The following USP13 variants were observed in gnomAD, a reference collection of about 807,000 sequenced individuals.
USP13 encodes the protein ubiquitin carboxyl-terminal hydrolase 13.
In USP13, 68 loss-of-function variants were observed where a neutral mutation model predicts 107.8. The ratio of observed to expected loss-of-function variants is 0.63; its 90% confidence interval spans 0.52 to 0.77. The LOEUF (loss-of-function observed/expected upper bound fraction) is 0.77, where lower values mean the gene tolerates loss of function less well. Ranked by LOEUF, USP13 falls within the 30% of genes least tolerant of loss-of-function variation. The pLI, the probability that USP13 is intolerant of heterozygous loss-of-function variation, is 0.00. For missense variants in USP13, 945 were observed against 1,093.3 expected, an observed-to-expected ratio of 0.86 and a Z score of 1.91; for synonymous variants, 377 against 389.5, an observed-to-expected ratio of 0.97 and a Z score of 0.38.
At chr3:179,733,499 T>A (rs1480368188) in intron 10 of USP13, among the ~76,000 whole-genome samples, 1 of 152,214 alleles carries the variant, frequency 6.6e-6, no homozygotes, top group Non-Finnish European at 1.5e-5. Flanking sequence ...CACTGGCAGT[T>A]GGTTTCAAAG....
intron 19 of USP13, among the ~76,000 whole-genome samples, chr3:179,770,518 T>G (rs1391120772): frequency 2.6e-5 from 4 of 152,200 alleles, no homozygotes; most frequent in Non-Finnish European, 2.9e-5. Flanking sequence ...TGGGAAGATG[T>G]GTGTTCTGTT....
At chr3:179,778,438 CTGA>C (rs1422940693) in intron 19 of USP13, among the ~76,000 whole-genome samples, 1 of 152,144 alleles carries the variant, frequency 6.6e-6, no homozygotes, top group African/African-American at 2.4e-5. Flanking sequence ...GGGGTAAAAG[CTGA>C]TAGACAATAA....
At position 179,721,633 on chromosome 3, in the gene USP13, C is replaced by G. The variant is rs760899929; in HGVS notation, c.1088+44C>G. On this transcript the variant is annotated intron_variant, in intron 8 of 20. Transcript: ENST00000263966. This position sits in a 1 kb window ranked among gnomAD's most constrained non-coding sequence, Gnocchi z 4.3. ...GACCAGGGCACGCGGCACCTCCCTG[C>G]CCCATCTAGGTCCAGTCCACTCAGT... The G allele has an allele frequency of 2.5e-5, 40 of 1,591,140 alleles. No homozygotes were observed. In the Middle Eastern group the frequency reaches 1.4e-3, roughly 54 times the overall value.
chr3:179,707,889 G>A (rs932413890), intron 5 of USP13, among the ~76,000 whole-genome samples: 1 of 152,150 alleles, frequency 6.6e-6, no homozygotes, highest in Non-Finnish European at 1.5e-5. Flanking sequence ...CCATTTCTCC[G>A]TTTGTAAAAA....
At chr3:179,726,256 CTGTCA>C (rs1479343575) in intron 8 of USP13, among the ~76,000 whole-genome samples, 1 of 152,134 alleles carries the variant, frequency 6.6e-6, no homozygotes, top group Non-Finnish European at 1.5e-5. Flanking sequence ...ATGAGCAAGT[CTGTCA>C]TGCCCTGGGG....
rs111785977 is a variant in USP13, at chr3:179,740,392, G to A, written c.1380+20G>A. 13 of 1,613,620 alleles carry A rather than the reference G, an allele frequency of 8.1e-6. No individual in the cohort carries two copies. Among genetic ancestry groups the A allele is most frequent in the East Asian group, 4.5e-5 (2 of 44,870 alleles). On this transcript the variant is annotated intron_variant, in intron 11 of 20. Transcript: ENST00000263966. ...GTAGAGGTGAGTAGTCAGTCTTCACGGATGCTCAGCGGGGTTGTAAGAGGG... is the reference window on the plus strand; with the variant it reads ...GTAGAGGTGAGTAGTCAGTCTTCACAGATGCTCAGCGGGGTTGTAAGAGGG...
Position 179,730,664 on chromosome 3 carries a change from G to C in USP13, c.1209G>C (p.Pro403=). 6.2e-7 allele frequency: 1 copy of C among 1,614,078 alleles called. No individual in the cohort carries two copies. Among genetic ancestry groups the C allele is most frequent in the South Asian group, 1.1e-5 (1 of 91,058 alleles). ...TCTCAGGCCAGTATTCAAAGCCTCC[G>C]GTGAAATCTGAACTCATTGAACAGG... ...GLLSGQYSKP[P]VKSELIEQVM... Residue 403 remains proline (P), a synonymous_variant, in exon 10 of 21, where the codon CCG becomes CCC. Coordinates refer to ENST00000263966, the MANE Select transcript of USP13 (RefSeq NM_003940.3).
Position 179,653,985 on chromosome 3 carries a change from G to T in USP13, c.168+592G>T, listed in dbSNP as rs1054455459. ...CACTTTTTAAGAGGCGGAGGCGGGC[G>T]GATCGTTTGAGGTCAGGAGTTCGAG... On this transcript the variant is annotated intron_variant, in intron 1 of 20. Coordinates refer to ENST00000263966, the MANE Select transcript of USP13 (RefSeq NM_003940.3). The surrounding 1 kb of genome is among the most constrained non-coding windows in gnomAD (Gnocchi z 4.0). Among the ~76,000 whole-genome samples, 1 of 151,924 alleles carries T rather than the reference G, an allele frequency of 6.6e-6. No individual in the cohort carries two copies. The highest frequency in any genetic ancestry group is 2.4e-5 in the African/African-American group (1 of 41,376).
At chr3:179,780,185 C>G (rs531291438) in intron 19 of USP13, among the ~76,000 whole-genome samples, 46 of 152,170 alleles carry the variant, frequency 3.0e-4, no homozygotes, top group Non-Finnish European at 6.0e-4. Context: ...TAAGGATGCC[C>G]GCTTTTGACA....
chr3:179,691,769 T>C (rs1267064161), intron 3 of USP13, among the ~76,000 whole-genome samples: 1 of 152,238 alleles, frequency 6.6e-6, no homozygotes, highest in Non-Finnish European at 1.5e-5. Flanking sequence ...GTTTGACTAA[T>C]GGTGATTTGA....
At chr3:179,759,051 G>A (rs1476695665) in intron 16 of USP13, among the ~76,000 whole-genome samples, 3 of 151,680 alleles carry the variant, frequency 2.0e-5, no homozygotes, top group African/African-American at 4.8e-5. Context: ...GCACAGCCTC[G>A]GCCCACTGCA....
chr3:179,751,367 A>G (rs1291475821), intron 13 of USP13, among the ~76,000 whole-genome samples: 1 of 152,184 alleles, frequency 6.6e-6, no homozygotes, highest in Non-Finnish European at 1.5e-5. Flanking sequence ...TAATATGTCT[A>G]CCCCTAGGAT....
rs150321135 is a variant in USP13, at chr3:179,737,525, C to T, written c.1255-2722C>T. ...GCTGATACTATGTGATATATATCAG[C>T]ACTGTGAATGAAGAAAGTCACAATT... On this transcript the variant is annotated intron_variant, in intron 10 of 20. Transcript: ENST00000263966. 6.7e-3 allele frequency among the ~76,000 whole-genome samples: 1,025 copies of T among 152,256 alleles called. 21 individuals carry two copies. Among genetic ancestry groups the T allele is most frequent in the African/African-American group, 0.023 (975 of 41,548 alleles).
In USP13 at chr3:179,784,180, C is replaced by A; in HGVS notation, c.*39C>A. The stretch of plus-strand genomic sequence containing the variant: ...AAATTGGCGAAAAGAAGCCATACGC[C>A]TTTTTAATTTGCCAAAAAAAAAAAG... On this transcript the variant is annotated 3_prime_UTR_variant, in exon 21 of 21. Coordinates refer to ENST00000263966, the MANE Select transcript of USP13 (RefSeq NM_003940.3). The A allele has an allele frequency of 1.4e-6, 2 of 1,444,894 alleles. No individual in the cohort carries two copies. Among genetic ancestry groups the A allele is most frequent in the Non-Finnish European group, 9.5e-7 (1 of 1,056,568 alleles). The allele number at this position is 1,444,894 out of a possible 1,614,324, so 89.5% of individuals were successfully genotyped here.
chr3:179,665,710 T>C (rs1206529116), intron 1 of USP13, among the ~76,000 whole-genome samples: 1 of 152,084 alleles, frequency 6.6e-6, no homozygotes, highest in Non-Finnish European at 1.5e-5. Context: ...CTCAGTCTCC[T>C]GAGTAGCTGG....
chr3:179,701,670 A>T (rs772681603), intron 4 of USP13, among the ~76,000 whole-genome samples: 12 of 152,222 alleles, frequency 7.9e-5, no homozygotes, highest in Non-Finnish European at 1.8e-4. Context: ...GATTAAGTGA[A>T]CCTTCTTTTC....
chr3:179,657,275 T>C (rs909429290), intron 1 of USP13, among the ~76,000 whole-genome samples: 25 of 152,208 alleles, frequency 1.6e-4, no homozygotes, highest in African/African-American at 6.0e-4. Flanking sequence ...CCCACCACTT[T>C]GGGAGGCCGA....
intron 2 of USP13, among the ~76,000 whole-genome samples, chr3:179,688,983 A>G (rs1711995534): frequency 6.6e-6 from 1 of 152,236 alleles, no homozygotes; most frequent in Non-Finnish European, 1.5e-5. Flanking sequence ...TGTGAACTGT[A>G]AACCTGTAGT....
Position 179,719,968 on chromosome 3 carries a change from T to A in USP13, c.834T>A (p.Pro278=), listed in dbSNP as rs758499275. 4.3e-6 allele frequency: 7 copies of A among 1,613,984 alleles called. No individual in the cohort carries two copies. The South Asian group carries it at 5.5e-5, about 13-fold the overall frequency. The part of the protein sequence containing the change: ...ADVYSFQEEE[P]VLDPHLAKHL... Reference sequence around the variant, plus strand: ...TTTATTCTTTTCAAGAAGAAGAACCTGTTTTGGATCCTCATTTGGCCAAGC... The same window carrying A: ...TTTATTCTTTTCAAGAAGAAGAACCAGTTTTGGATCCTCATTTGGCCAAGC... Residue 278 remains proline (P), a synonymous_variant, in exon 7 of 21, where the codon CCT becomes CCA. Transcript: ENST00000263966.
Sources: allele counts gnomAD v4.1 joint callset (sites outside exome capture counted in the v4.1 genomes callset), GRCh38; gene constraint gnomAD v4.1.1; non-coding constraint Gnocchi (gnomAD v3.1); transcripts MANE v1.5; gene names NCBI Gene and HGNC (gene_info 2026-07-23, HGNC 2026-07-21).